TNS1: variants seen among roughly 807,000 people sequenced by gnomAD.
TNS1 encodes the protein tensin-1.
TNS1 carries 62 observed loss-of-function variants against 168.6 expected under a neutral mutation model. The observed-to-expected ratio is 0.37, with a 90% confidence interval of 0.30 to 0.45. TNS1 has a LOEUF of 0.45. TNS1 is among the 20% of genes least tolerant of loss of function. The pLI is 1.00. For missense variants in TNS1, 2,240 were observed against 2,339.4 expected (o/e 0.96, Z 0.88); for synonymous variants, 934 against 933.2 (o/e 1.00, Z -0.02).
chr2:217,906,564 C>T (rs1455042106), intron 5 of TNS1, among the ~76,000 whole-genome samples, 179 bp from the exon 6 acceptor site: 1 of 152,190 alleles, frequency 6.6e-6, no homozygotes, highest in African/African-American at 2.4e-5. Flanking sequence ...TAACCAAATC[C>T]TCTCCTTTAC....
chr2:217,959,510 G>T (rs1957444377), intron 3 of TNS1, among the ~76,000 whole-genome samples: 1 of 150,734 alleles, frequency 6.6e-6, no homozygotes, highest in South Asian at 2.1e-4. Flanking sequence ...CATGGAACCT[G>T]GTGTCTTAGC....
intron 3 of TNS1, among the ~76,000 whole-genome samples, chr2:217,958,257 A>C (rs1050059444): frequency 9.9e-5 from 15 of 151,364 alleles, no homozygotes; most frequent in African/African-American, 3.6e-4. Flanking sequence ...GATGGTGATA[A>C]CTGACATGGT....
chr2:218,019,659 G>C (rs954781104), intron 1 of TNS1, among the ~76,000 whole-genome samples: 16 of 152,190 alleles, frequency 1.1e-4, no homozygotes, highest in Non-Finnish European at 1.8e-4. Context: ...GAGCAGGGAG[G>C]CCCTGGGGAG....
In TNS1 at chr2:217,805,463, CCACCACACA is replaced by C. The variant is rs1284427166; in HGVS notation, c.5376-869_5376-861del. Among the ~76,000 whole-genome samples, 32 of 105,930 alleles carry C rather than the reference CCACCACACA, an allele frequency of 3.0e-4. No homozygotes were observed. In the East Asian group the frequency reaches 6.7e-3, roughly 22 times the overall value. 69.5% of individuals were successfully genotyped at this position (105,930 alleles called of 152,430 possible). On this transcript the variant is annotated intron_variant, in intron 32 of 32. Coordinates refer to ENST00000682258, the MANE Select transcript of TNS1 (RefSeq NM_001387777.1). ...ACACACATACACACCATCACACACACCACCACACACACCACACACACCACACACACACCA... is the reference window on the plus strand; with the variant it reads ...ACACACATACACACCATCACACACACCACCACACACACCACACACACACCA...
At chr2:217,937,228 C>G in intron 3 of TNS1, 1 of 358,698 alleles carries the variant, frequency 2.8e-6, no homozygotes, top group South Asian at 2.1e-5. Context: ...CCGGTCTTTC[C>G]AGCCTCATAC....
chr2:217,886,754 C>A, intron 12 of TNS1, 108 bp from the exon 13 acceptor site: 1 of 852,394 alleles, frequency 1.2e-6, no homozygotes, highest in Non-Finnish European at 1.9e-6. Flanking sequence ...CCTACTCTAC[C>A]CTCTCCCCAA....
intron 4 of TNS1, among the ~76,000 whole-genome samples, chr2:217,913,083 G>A (rs1208751219): frequency 6.6e-6 from 1 of 152,184 alleles, no homozygotes; most frequent in African/African-American, 2.4e-5. Context: ...GGAAGTGGGA[G>A]CCGATGGGTG....
At chr2:217,944,859 G>A (rs1261193943) in intron 3 of TNS1, among the ~76,000 whole-genome samples, 1 of 152,108 alleles carries the variant, frequency 6.6e-6, no homozygotes, top group African/African-American at 2.4e-5. Context: ...AAAATAATGG[G>A]GGAAGTGATG....
In TNS1 at chr2:217,813,337, G is replaced by C; in HGVS notation, c.4862-30C>G. On this transcript the variant is annotated intron_variant, in intron 26 of 32. Coordinates refer to ENST00000682258, the MANE Select transcript of TNS1 (RefSeq NM_001387777.1). The surrounding 1 kb of genome is among the most constrained non-coding windows in gnomAD (Gnocchi z 4.0). ...GACAAAGAGAAAGAAATAAGGCTCA[G>C]TCCCTGCCCATGGCTTCCTCCCACC... is the stretch of plus-strand genomic sequence containing the variant. 6.6e-7 allele frequency: 1 copy of C among 1,520,352 alleles called. No individual in the cohort carries two copies. Among genetic ancestry groups the C allele is most frequent in the Non-Finnish European group, 9.0e-7 (1 of 1,115,660 alleles). The allele number at this position is 1,520,352 out of a possible 1,614,324, so 94.2% of individuals were successfully genotyped here. A position where few individuals can be genotyped will look rare whatever the true frequency, so the allele number is the denominator to read the frequency against.
rs1468160337 is a variant in TNS1, at chr2:217,848,535, G to T, written c.1982C>A (p.Ala661Asp). The change falls in exon 19 of 33, where the codon GCC becomes GAC. Residue 661 changes from alanine to aspartate, a missense_variant. Physicochemically the swap from Ala to Asp is moderately radical, Grantham distance 126 (BLOSUM62 -2). Coordinates refer to ENST00000682258, the MANE Select transcript of TNS1 (RefSeq NM_001387777.1). ...TNTSEGGYPE[A>D]LSPLTNGLDK... ...CAGACCGTTGGTCAGTGGGGACAGG[G>T]CCTCTGGGTAGCCCCCCTCACTGGT... 3 of 1,613,828 alleles carry T rather than the reference G, an allele frequency of 1.9e-6. No individual in the cohort carries two copies. The highest frequency in any genetic ancestry group is 1.7e-5 in the Admixed American group (1 of 59,992).
upstream of TNS1, among the ~76,000 whole-genome samples, chr2:218,013,139 C>T (rs1958723715): frequency 6.6e-6 from 1 of 151,836 alleles, no homozygotes; most frequent in African/African-American, 2.4e-5. Context: ...ACCTGTAATC[C>T]CAGCTACCTG....
In TNS1 at chr2:217,804,365, G is replaced by T; in HGVS notation, c.*94C>A. ...TTCTCTCCTCCGAAATTGGCCCAAA[G>T]TCCTCCTTCTGGGTTCAAGAGTGGT... On this transcript the variant is annotated 3_prime_UTR_variant, in exon 33 of 33. Transcript: ENST00000682258. 6.6e-7 allele frequency: 1 copy of T among 1,513,646 alleles called. No individual in the cohort carries two copies. 93.8% of individuals were successfully genotyped at this position (1,513,646 alleles called of 1,614,324 possible). A position where few individuals can be genotyped will look rare whatever the true frequency, so the allele number is the denominator to read the frequency against.
At chr2:217,884,248 T>C (rs978138127) in intron 16 of TNS1, among the ~76,000 whole-genome samples, 1 of 151,204 alleles carries the variant, frequency 6.6e-6, no homozygotes, top group Non-Finnish European at 1.5e-5. Context: ...GATTAATGGA[T>C]GGATGAATGG....
At chr2:217,911,345 G>C (rs1450517555) in intron 4 of TNS1, among the ~76,000 whole-genome samples, 1 of 152,222 alleles carries the variant, frequency 6.6e-6, no homozygotes, top group Non-Finnish European at 1.5e-5. Context: ...CCAGCAGTTA[G>C]AGCAAAGCAA....
At chr2:217,879,465 C>T (rs1032819797) in intron 18 of TNS1, 26 of 453,466 alleles carry the variant, frequency 5.7e-5, no homozygotes, top group Middle Eastern at 3.5e-4. Flanking sequence ...CCTGGGGGGT[C>T]GGAGGGGCCT....
At position 217,880,339 on chromosome 2, in the gene TNS1, T is replaced by C. The variant is rs1950570693; in HGVS notation, c.1429+559A>G. On this transcript the variant is annotated intron_variant, in intron 18 of 32. Coordinates refer to ENST00000682258, the MANE Select transcript of TNS1 (RefSeq NM_001387777.1). This position sits in a 1 kb window ranked among gnomAD's most constrained non-coding sequence, Gnocchi z 4.2. Reference sequence around the variant, plus strand: ...TGCTTTCTTTTCAAATTTCAGAGCCTATCAGTTTGTTCCCAGCTCTCAAAC... The same window carrying C: ...TGCTTTCTTTTCAAATTTCAGAGCCCATCAGTTTGTTCCCAGCTCTCAAAC... Among the ~76,000 whole-genome samples the C allele has an allele frequency of 3.9e-5, 6 of 152,224 alleles. No individual in the cohort carries two copies. The highest frequency in any genetic ancestry group is 2.9e-5 in the Non-Finnish European group (2 of 68,034).
At chr2:217,923,986 A>T (rs1406780778) in intron 3 of TNS1, among the ~76,000 whole-genome samples, 1 of 152,182 alleles carries the variant, frequency 6.6e-6, no homozygotes, top group African/African-American at 2.4e-5. Context: ...CTCCCCCAGG[A>T]CATGAGGGAA....
At position 217,915,591 on chromosome 2, in the gene TNS1, C is replaced by T. The variant is rs535388050; in HGVS notation, c.228+4604G>A. ...GGATGGTTACATGGATGGACAGACC[C>T]TCCCTCAAATCCCAAGCCTACTGGC... On this transcript the variant is annotated intron_variant, in intron 4 of 32. Transcript: ENST00000682258. Among the ~76,000 whole-genome samples, 419 of 152,316 alleles carry T rather than the reference C, an allele frequency of 2.8e-3. 1 individual carries two copies. The highest frequency in any genetic ancestry group is 9.6e-3 in the African/African-American group (399 of 41,574).
chr2:217,858,653 G>A, intron 18 of TNS1: 3 of 526,680 alleles, frequency 5.7e-6, no homozygotes, highest in Non-Finnish European at 6.8e-6. Context: ...AGGAGCCAGT[G>A]CCGCCTGCCT....
Sources: gnomAD v4.1 joint callset for allele counts (sites outside exome capture counted in the v4.1 genomes callset) on GRCh38, gnomAD v4.1.1 for gene constraint, Gnocchi (gnomAD v3.1) non-coding constraint, MANE v1.5 for transcripts, NCBI Gene and HGNC (gene_info 2026-07-23, HGNC 2026-07-21) for gene names.